AUTS2: variants seen among roughly 807,000 people sequenced by gnomAD.
The protein encoded by AUTS2 is activator of transcription and developmental regulator AUTS2.
AUTS2 carries 17 observed loss-of-function variants against 112.4 expected under a neutral mutation model. That is an observed-to-expected ratio of 0.15 (90% CI 0.10 to 0.23). The LOEUF (loss-of-function observed/expected upper bound fraction) is 0.23, where lower values mean the gene tolerates loss of function less well. AUTS2 is among the 10% of genes least tolerant of loss of function. AUTS2 has a pLI of 1.00. For missense variants in AUTS2, 1,510 were observed against 1,701.6 expected (o/e 0.89, Z 1.98); for synonymous variants, 751 against 702.7 (o/e 1.07, Z -1.09).
chr7:70,679,186 A>T (rs894476247), intron 5 of AUTS2, among the ~76,000 whole-genome samples: 1 of 152,110 alleles, frequency 6.6e-6, no homozygotes, highest in Non-Finnish European at 1.5e-5. Flanking sequence ...CCTGTTAGAA[A>T]TTTTTCAAAA....
At chr7:70,177,960 G>A (rs1809084199) in intron 4 of AUTS2, among the ~76,000 whole-genome samples, 1 of 149,112 alleles carries the variant, frequency 6.7e-6, no homozygotes, top group African/African-American at 2.5e-5. Flanking sequence ...GCTGTCACCA[G>A]GCTGGAGTGC....
intron 2 of AUTS2, among the ~76,000 whole-genome samples, chr7:70,067,965 T>G (rs1802571920): frequency 6.6e-6 from 1 of 152,138 alleles, no homozygotes; most frequent in Non-Finnish European, 1.5e-5. Flanking sequence ...TATGCAGAGG[T>G]TAAATAATAA....
rs200597266 is a variant in AUTS2 at position 69,827,449 on chromosome 7, G to GA, written c.310-71828dup. Reference sequence around the variant, plus strand: ...TGATAGAGGGGGAAAAAGAAGAGGGGAAAAAAAAACCCCTAAAAAAACCCT... The same window carrying GA: ...TGATAGAGGGGGAAAAAGAAGAGGGGAAAAAAAAAACCCCTAAAAAAACCCT... On this transcript the variant is annotated intron_variant, in intron 1 of 18. Transcript: ENST00000342771. 1.0e-4 allele frequency among the ~76,000 whole-genome samples: 15 copies of GA among 149,906 alleles called. No homozygotes were observed. The East Asian group carries it at 1.2e-3, about 12-fold the overall frequency.
chr7:69,756,519 A>T (rs184736741), intron 1 of AUTS2, among the ~76,000 whole-genome samples: 1 of 152,334 alleles, frequency 6.6e-6, no homozygotes, highest in East Asian at 1.9e-4. Flanking sequence ...TGTGTATTTG[A>T]AGCCTCTAAT....
In AUTS2 at chr7:70,109,997, A is replaced by T. The variant is rs80151585; in HGVS notation, c.523-8135A>T. Among the ~76,000 whole-genome samples, 436 of 152,338 alleles carry T rather than the reference A, an allele frequency of 2.9e-3. 1 individual carries two copies. The highest frequency in any genetic ancestry group is 9.6e-3 in the African/African-American group (401 of 41,578). ...CATTTTCTTGCCTTCACATTATTAA[A>T]TTATGAAGAAATAGTATCGTAATAT... On this transcript the variant is annotated intron_variant, in intron 2 of 18. Transcript: ENST00000342771.
chr7:69,646,424 G>C (rs964871308), intron 1 of AUTS2, among the ~76,000 whole-genome samples: 1 of 152,194 alleles, frequency 6.6e-6, no homozygotes, highest in Non-Finnish European at 1.5e-5. Context: ...TTGAGAGGCT[G>C]TATTTTAAAG....
At chr7:70,622,801 G>A (rs1363385635) in intron 5 of AUTS2, among the ~76,000 whole-genome samples, 2 of 152,110 alleles carry the variant, frequency 1.3e-5, no homozygotes, top group East Asian at 3.9e-4. Context: ...TTTCTTTGTG[G>A]ACCAAAAGAA....
At chr7:69,888,423 T>A (rs1268426857) in intron 1 of AUTS2, among the ~76,000 whole-genome samples, 1 of 150,596 alleles carries the variant, frequency 6.6e-6, no homozygotes, top group African/African-American at 2.4e-5. Flanking sequence ...ACTAACAGAG[T>A]AAGAACCTCT....
intron 5 of AUTS2, among the ~76,000 whole-genome samples, chr7:70,574,016 G>A (rs767171695): frequency 9.2e-5 from 14 of 152,090 alleles, no homozygotes; most frequent in Admixed American, 1.3e-4. Flanking sequence ...CAGTTGGGAG[G>A]CCTGGGGGAG....
At chr7:70,158,769 T>G (rs757302442) in intron 4 of AUTS2, among the ~76,000 whole-genome samples, 3 of 151,930 alleles carry the variant, frequency 2.0e-5, no homozygotes, top group Admixed American at 6.6e-5. Flanking sequence ...TTAGGACAAG[T>G]GTTGAGTATG....
chr7:70,667,881 C>G (rs748567844), intron 5 of AUTS2, among the ~76,000 whole-genome samples: 1 of 152,228 alleles, frequency 6.6e-6, no homozygotes, highest in Non-Finnish European at 1.5e-5. Flanking sequence ...ACCTAATTCT[C>G]GGCCCCTTCT....
At chr7:70,079,219 A>G (rs757977352) in intron 2 of AUTS2, among the ~76,000 whole-genome samples, 1 of 152,210 alleles carries the variant, frequency 6.6e-6, no homozygotes, top group African/African-American at 2.4e-5. Flanking sequence ...CTTTTGTGAC[A>G]AAAGGATTGT....
At chr7:69,830,863 T>C (rs943987138) in intron 1 of AUTS2, among the ~76,000 whole-genome samples, 1 of 152,206 alleles carries the variant, frequency 6.6e-6, no homozygotes, top group African/African-American at 2.4e-5. Context: ...TTTTTCATTG[T>C]TGAGCCTGAG....
Position 70,596,605 on chromosome 7 carries a change from G to C in AUTS2, c.691-101964G>C, listed in dbSNP as rs374656362. Reference sequence around the variant, plus strand: ...TTCTGGAAATGCGGAGACCGCTTCGGGTGGTTTTGTTTTTGCATCCTCTTC... The same window carrying C: ...TTCTGGAAATGCGGAGACCGCTTCGCGTGGTTTTGTTTTTGCATCCTCTTC... On this transcript the variant is annotated intron_variant, in intron 5 of 18. Transcript: ENST00000342771. 2.0e-5 allele frequency: 3 copies of C among 152,410 alleles called. No individual in the cohort carries two copies. The East Asian group carries it at 5.8e-4, about 29-fold the overall frequency. The allele number at this position is 152,410 out of a possible 1,614,324, so 9.4% of individuals were successfully genotyped here.
At chr7:70,134,645 G>T (rs1344704942) in intron 4 of AUTS2, 74 bp downstream of exon 4, 2 of 1,352,522 alleles carry the variant, frequency 1.5e-6, no homozygotes, top group Non-Finnish European at 2.1e-6. Context: ...TGCTCATTGG[G>T]ATATGAAAAA....
chr7:70,698,307 A>G (rs1049272294), intron 5 of AUTS2, among the ~76,000 whole-genome samples: 3 of 152,236 alleles, frequency 2.0e-5, no homozygotes, highest in Non-Finnish European at 4.4e-5. Context: ...ATCATCTCAT[A>G]GAAATATGTT....
chr7:69,990,829 A>T (rs1225456560), intron 2 of AUTS2, among the ~76,000 whole-genome samples: 1 of 152,172 alleles, frequency 6.6e-6, no homozygotes, highest in Non-Finnish European at 1.5e-5. Flanking sequence ...CCAAATATGA[A>T]ATGCTGCAGT....
intron 1 of AUTS2, among the ~76,000 whole-genome samples, chr7:69,795,302 A>G (rs1226181024): frequency 1.3e-5 from 2 of 152,204 alleles, no homozygotes; most frequent in Non-Finnish European, 2.9e-5. Context: ...TGGATCATAG[A>G]GAGCCTTGAT....
chr7:69,720,142 G>C (rs950401772), intron 1 of AUTS2, among the ~76,000 whole-genome samples: 1 of 152,206 alleles, frequency 6.6e-6, no homozygotes, highest in South Asian at 2.1e-4. Flanking sequence ...GAAAGCTGAT[G>C]GGTTGGCTAC....
Sources: allele counts gnomAD v4.1 joint callset (sites outside exome capture counted in the v4.1 genomes callset), GRCh38; gene constraint gnomAD v4.1.1; transcripts MANE v1.5; gene names NCBI Gene and HGNC (gene_info 2026-07-23, HGNC 2026-07-21).